MICAL3: variants seen among roughly 807,000 people sequenced by gnomAD.
The protein encoded by MICAL3 is microtubule associated monooxygenase, calponin and LIM domain containing 3, also known as [F-actin]-monooxygenase MICAL3.
MICAL3 carries 62 observed loss-of-function variants against 207.4 expected under a neutral mutation model. The ratio of observed to expected loss-of-function variants is 0.30; its 90% CI spans 0.24 to 0.37. The LOEUF (loss-of-function observed/expected upper bound fraction) is 0.37. Ranked by LOEUF, MICAL3 falls within the 10% of genes least tolerant of loss-of-function variation. The pLI is 1.00. For synonymous variants in MICAL3, 1,077 were observed against 1,069.3 expected (o/e 1.01, Z -0.14); for missense variants, 2,368 against 2,635.6 (o/e 0.90, Z 2.22).
chr22:18,003,306 T>G (rs765247494), intron 1 of MICAL3, among the ~76,000 whole-genome samples: 12 of 152,296 alleles, frequency 7.9e-5, no homozygotes, highest in Non-Finnish European at 7.4e-5. Context: ...ATTCTTCTTA[T>G]GTGTGGGGCC....
intron 1 of MICAL3, among the ~76,000 whole-genome samples, chr22:17,915,151 G>A (rs1426347695): frequency 1.3e-5 from 2 of 152,230 alleles, no homozygotes; most frequent in Non-Finnish European, 2.9e-5. Flanking sequence ...AATCTATAAC[G>A]TCGGTGCAGA....
intron 1 of MICAL3, among the ~76,000 whole-genome samples, chr22:17,987,630 C>A (rs76284885): frequency 1.3e-5 from 2 of 152,194 alleles, no homozygotes; most frequent in African/African-American, 2.4e-5. Context: ...GCAGGTACTC[C>A]GAGCAAGAGC....
chr22:17,914,150 C>G (rs911112755), intron 1 of MICAL3, among the ~76,000 whole-genome samples: 15 of 152,160 alleles, frequency 9.9e-5, no homozygotes, highest in Admixed American at 9.8e-4. Flanking sequence ...AACGGAACAA[C>G]AGGGTTCAGA....
intron 1 of MICAL3, among the ~76,000 whole-genome samples, chr22:17,939,070 T>C (rs1933689620): frequency 6.6e-6 from 1 of 152,020 alleles, no homozygotes; most frequent in Non-Finnish European, 1.5e-5. Context: ...ATTAATGAGT[T>C]AGTGGATTAA....
intron 1 of MICAL3, among the ~76,000 whole-genome samples, chr22:17,968,529 T>C (rs1436945385): frequency 1.3e-5 from 2 of 152,142 alleles, no homozygotes; most frequent in East Asian, 3.8e-4. Flanking sequence ...AACAAAGATA[T>C]ATTAGTATGT....
At chr22:18,023,784 G>C (rs1446650899) in intron 1 of MICAL3, among the ~76,000 whole-genome samples, 1 of 152,236 alleles carries the variant, frequency 6.6e-6, no homozygotes, top group Non-Finnish European at 1.5e-5. Flanking sequence ...CCCCTCTGCC[G>C]CAGGGAAACC....
chr22:17,863,514 A>G (rs1926737347), intron 19 of MICAL3: 3 of 985,428 alleles, frequency 3.0e-6, no homozygotes, highest in Non-Finnish European at 2.4e-6. Flanking sequence ...GATGGATTAT[A>G]AAGATCTTCA....
At chr22:17,962,405 T>C (rs561381463) in intron 1 of MICAL3, among the ~76,000 whole-genome samples, 1 of 152,162 alleles carries the variant, frequency 6.6e-6, no homozygotes, top group Admixed American at 6.5e-5. Context: ...GAAGCAGCGC[T>C]GCACAGGCAG....
At chr22:17,890,802 G>T (rs1930333461) in intron 12 of MICAL3, among the ~76,000 whole-genome samples, 1 of 152,194 alleles carries the variant, frequency 6.6e-6, no homozygotes, top group African/African-American at 2.4e-5. Flanking sequence ...CCTTCGGTTT[G>T]GCTTCCGTGG....
At chr22:17,925,662 A>AT (rs376480346) in intron 1 of MICAL3, among the ~76,000 whole-genome samples, 122 of 151,742 alleles carry the variant, frequency 8.0e-4, no homozygotes, top group African/African-American at 2.7e-3. Flanking sequence ...AACTTAAACA[A>AT]TTTTTTTTTA....
intron 19 of MICAL3, among the ~76,000 whole-genome samples, chr22:17,849,483 C>A (rs552172383): frequency 2.6e-5 from 4 of 152,112 alleles, no homozygotes; most frequent in Non-Finnish European, 4.4e-5. Context: ...TACAGGTGTG[C>A]GCCATCACGC....
At chr22:17,961,844 C>T (rs1934927238) in intron 1 of MICAL3, among the ~76,000 whole-genome samples, 1 of 152,192 alleles carries the variant, frequency 6.6e-6, no homozygotes, top group African/African-American at 2.4e-5. Flanking sequence ...GGCCTGCCTG[C>T]CTCCAGTTGC....
chr22:17,876,919 TGGAGGTTAGGGAGGTTAG>T (rs201210232), intron 16 of MICAL3: 11 of 14,292 alleles, frequency 7.7e-4, no homozygotes, highest in East Asian at 1.7e-3. Flanking sequence ...AGGGAGGTTA[TGGAGGTTAGGGAGGTTAG>T]GGAGGTTATG....
rs774998406 is a variant in MICAL3, at chr22:17,822,184, G to A, written c.3308-14C>T. ...ACCAGTGCTGATCTGGCAGAGGGAA[G>A]GGGCAGAAGTGGGTGCACACCCTAA... On this transcript the variant is annotated splice_polypyrimidine_tract_variant and intron_variant, in intron 23 of 31. Transcript: ENST00000441493. 1 of 1,612,054 alleles carries A rather than the reference G, an allele frequency of 6.2e-7. No individual in the cohort carries two copies. The highest frequency in any genetic ancestry group is 8.5e-7 in the Non-Finnish European group (1 of 1,179,288).
intron 1 of MICAL3, among the ~76,000 whole-genome samples, chr22:17,942,864 C>T (rs919603147): frequency 1.3e-5 from 2 of 152,226 alleles, no homozygotes; most frequent in African/African-American, 4.8e-5. Flanking sequence ...CCCAGCTGCA[C>T]GACCGTCCTC....
chr22:17,879,213 C>T, intron 16 of MICAL3: 1 of 663,640 alleles, frequency 1.5e-6, no homozygotes. Flanking sequence ...TGGCTCTTGG[C>T]TGGGTGACAA....
chr22:17,907,794 C>T (rs769347875), intron 1 of MICAL3, among the ~76,000 whole-genome samples: 3 of 152,154 alleles, frequency 2.0e-5, no homozygotes, highest in Non-Finnish European at 2.9e-5. Context: ...GCAGAAAGTT[C>T]GAGAGTGTCA....
intron 1 of MICAL3, among the ~76,000 whole-genome samples, chr22:17,986,359 A>G (rs1433190206): frequency 2.0e-5 from 3 of 152,164 alleles, no homozygotes; most frequent in Admixed American, 2.0e-4. Flanking sequence ...GTCTCTATTA[A>G]AAATACAAAA....
intron 1 of MICAL3, among the ~76,000 whole-genome samples, chr22:17,982,848 G>A (rs534431353): frequency 6.6e-6 from 1 of 152,268 alleles, no homozygotes; most frequent in South Asian, 2.1e-4. Context: ...GAAACACTTA[G>A]GTAGCAGGGA....
Sources: allele counts gnomAD v4.1 joint callset (sites outside exome capture counted in the v4.1 genomes callset), GRCh38; gene constraint gnomAD v4.1.1; transcripts MANE v1.5; gene names NCBI Gene and HGNC (gene_info 2026-07-23, HGNC 2026-07-21).